Variants in C2CD2 observed in about 807,000 individuals in gnomAD.
C2CD2 encodes the protein C2 domain-containing protein 2.
C2CD2 carries 43 observed loss-of-function variants against 74.3 expected under a neutral mutation model. That is an observed-to-expected ratio of 0.58 (90% confidence interval 0.45 to 0.75). The LOEUF (loss-of-function observed/expected upper bound fraction) is 0.75, where lower values mean the gene tolerates loss of function less well. Ranked by LOEUF, C2CD2 falls within the 30% of genes least tolerant of loss-of-function variation. C2CD2 has a pLI of 0.00. For missense variants in C2CD2, 801 were observed against 916.3 expected, an observed-to-expected ratio of 0.87 and a Z score of 1.63; for synonymous variants, 422 against 390.7, an observed-to-expected ratio of 1.08 and a Z score of -0.94.
At chr21:41,925,208 G>A (rs1349519260) in intron 2 of C2CD2, among the ~76,000 whole-genome samples, 1 of 152,114 alleles carries the variant, frequency 6.6e-6, no homozygotes, top group Non-Finnish European at 1.5e-5. Context: ...AATTTAGGCC[G>A]AGTGTGGTGG....
In C2CD2 at chr21:41,901,621, C is replaced by G; in HGVS notation, c.1560+1G>C. ...CACCTCCCCAGCCACCACGATGGTA[C>G]CTTGGAGATCCCTGATATGATAATA... On this transcript the variant is annotated splice_donor_variant, in intron 12 of 13. Transcript: ENST00000380486. LOFTEE classifies it high-confidence loss of function. The G allele has an allele frequency of 6.2e-7, 1 of 1,614,184 alleles. No individual in the cohort carries two copies. The highest frequency in any genetic ancestry group is 1.1e-5 in the South Asian group (1 of 91,090).
chr21:41,948,308 G>C (rs1346151258), intron 1 of C2CD2, among the ~76,000 whole-genome samples: 1 of 111,918 alleles, frequency 8.9e-6, no homozygotes, highest in Non-Finnish European at 2.2e-5. Context: ...ACTGGGTCTG[G>C]CTCTGCCCAG....
rs777625124 is a variant in C2CD2 at position 41,918,965 on chromosome 21, TA to T, written c.493-6del. ...CTCCTTCATGTGGAACTCCAGCTAT[TA>T]AAAAACAAGTTATTAGAGGGCCACT... On this transcript the variant is annotated splice_polypyrimidine_tract_variant and splice_region_variant and intron_variant, in intron 3 of 13. Coordinates refer to ENST00000380486, the MANE Select transcript of C2CD2 (RefSeq NM_015500.2). The T allele has an allele frequency of 1.2e-6, 2 of 1,609,044 alleles. No individual in the cohort carries two copies. The highest frequency in any genetic ancestry group is 2.2e-5 in the South Asian group (2 of 90,994).
In C2CD2 at chr21:41,899,911, C is replaced by T. The variant is rs1047347576; in HGVS notation, c.1561-549G>A. ...GGGGGAAAGTTTGGGGAGGAGGGCA[C>T]GGGGGCTCCCTTCCTTGGAGGGGAG... is the stretch of plus-strand genomic sequence containing the variant. On this transcript the variant is annotated intron_variant, in intron 12 of 13. Coordinates refer to ENST00000380486, the MANE Select transcript of C2CD2 (RefSeq NM_015500.2). The surrounding 1 kb of genome is among the most constrained non-coding windows in gnomAD (Gnocchi z 4.4). 1.6e-5 allele frequency among the ~76,000 whole-genome samples: 2 copies of T among 121,512 alleles called. No homozygotes were observed. The highest frequency in any genetic ancestry group is 3.5e-5 in the Non-Finnish European group (2 of 57,842). The allele number at this position is 121,512 out of a possible 152,430, so 79.7% of individuals were successfully genotyped here.
chr21:41,898,939 A>C (rs1214565431), intron 13 of C2CD2, 114 bp downstream of exon 13: 2 of 788,858 alleles, frequency 2.5e-6, no homozygotes, highest in Non-Finnish European at 4.3e-6. Context: ...TGAGGCTGGG[A>C]GGGAGTTTGT....
chr21:41,899,459 G>C lies in C2CD2; in HGVS notation c.1561-97C>G. ...CACTCTCCAAAACATTCTGACAGCTGATTTCAAAGTCTCAGAAGATGCAGC... is the reference window on the plus strand; with the variant it reads ...CACTCTCCAAAACATTCTGACAGCTCATTTCAAAGTCTCAGAAGATGCAGC... On this transcript the variant is annotated intron_variant, in intron 12 of 13. Transcript: ENST00000380486. The surrounding 1 kb of genome is among the most constrained non-coding windows in gnomAD (Gnocchi z 4.4). 8.6e-7 allele frequency: 1 copy of C among 1,163,346 alleles called. No individual in the cohort carries two copies. The highest frequency in any genetic ancestry group is 1.2e-6 in the Non-Finnish European group (1 of 824,400). 72.1% of individuals were successfully genotyped at this position (1,163,346 alleles called of 1,614,324 possible).
intron 2 of C2CD2, among the ~76,000 whole-genome samples, chr21:41,933,972 G>A (rs892453986): frequency 1.3e-5 from 2 of 152,000 alleles, no homozygotes; most frequent in East Asian, 1.9e-4. Context: ...CTTTTCCTCC[G>A]GCAGGAAAAA....
intron 2 of C2CD2, among the ~76,000 whole-genome samples, chr21:41,931,922 C>T (rs1182378437): frequency 8.0e-5 from 7 of 87,526 alleles, no homozygotes; most frequent in African/African-American, 2.8e-4. Context: ...CCCACCACCC[C>T]ACCTCCAGCA....
chr21:41,951,053 G>C (rs868383695), intron 1 of C2CD2, among the ~76,000 whole-genome samples: 14 of 152,252 alleles, frequency 9.2e-5, no homozygotes, highest in South Asian at 2.1e-4. Flanking sequence ...AGGTGGGGGA[G>C]GGCAGCCACG....
rs1348495650 is a variant in C2CD2, at chr21:41,892,860, TG to T, written c.1871-3517del. 6.6e-6 allele frequency among the ~76,000 whole-genome samples: 1 copy of T among 152,174 alleles called. No individual in the cohort carries two copies. The highest frequency in any genetic ancestry group is 2.4e-5 in the African/African-American group (1 of 41,444). ...GCTCATGCTCCTTCGCACTTCACTC[TG>T]GGGGCCGGCAGACCACAGGGCTGTG... On this transcript the variant is annotated intron_variant, in intron 13 of 13. Transcript: ENST00000380486. The surrounding 1 kb of genome is among the most constrained non-coding windows in gnomAD (Gnocchi z 4.6).
At position 41,888,641 on chromosome 21, in the gene C2CD2, C is replaced by A. The variant is rs1479748774; in HGVS notation, c.*483G>T. The A allele has an allele frequency of 1.8e-5, 3 of 163,322 alleles. No homozygotes were observed. Among genetic ancestry groups the A allele is most frequent in the Admixed American group, 1.7e-4 (3 of 17,760 alleles). 10.1% of individuals were successfully genotyped at this position (163,322 alleles called of 1,614,324 possible). A position where few individuals can be genotyped will look rare whatever the true frequency, so the allele number is the denominator to read the frequency against. On this transcript the variant is annotated 3_prime_UTR_variant, in exon 14 of 14. Coordinates refer to ENST00000380486, the MANE Select transcript of C2CD2 (RefSeq NM_015500.2). Reference sequence around the variant, plus strand: ...CTCAGGGCCAGCTGCATTTTTTATTCCAAGCAGCAGATGAAGAGAGGTGAC... The same window carrying A: ...CTCAGGGCCAGCTGCATTTTTTATTACAAGCAGCAGATGAAGAGAGGTGAC...
intron 7 of C2CD2, among the ~76,000 whole-genome samples, chr21:41,909,820 CA>C (rs2065005840): frequency 6.6e-6 from 1 of 152,062 alleles, no homozygotes; most frequent in South Asian, 2.1e-4. Context: ...GTGGCCAGTG[CA>C]AGCTGAGGAA....
rs1353158443 is a variant in C2CD2, at chr21:41,914,670, G to C, written c.772C>G (p.Pro258Ala). The C allele has an allele frequency of 6.2e-7, 1 of 1,613,510 alleles. No homozygotes were observed. Among genetic ancestry groups the C allele is most frequent in the African/African-American group, 1.3e-5 (1 of 74,924 alleles). ...AGTAGCTTCAGCTCGTGAGCCCTTG[G>C]AGGTTTAGGAGGACAGGATTCCTGA... is the stretch of plus-strand genomic sequence containing the variant. Reference protein sequence around the residue: ...TAQESCPPKPPRAHELKLLVR... With the variant: ...TAQESCPPKPARAHELKLLVR... Residue 258 changes from proline (P) to alanine (A), a missense_variant, in exon 6 of 14, where the codon CCA (proline) becomes GCA (alanine). Physicochemically the swap from Pro to Ala is conservative, Grantham distance 27. Coordinates refer to ENST00000380486, the MANE Select transcript of C2CD2 (RefSeq NM_015500.2).
intron 1 of C2CD2, chr21:41,953,089 A>C (rs1475038079): frequency 2.7e-6 from 1 of 365,046 alleles, no homozygotes; most frequent in Non-Finnish European, 4.9e-6. Context: ...GGCGCGGATG[A>C]GCACTTCTGA....
chr21:41,937,055 G>A (rs1424174552), intron 2 of C2CD2, among the ~76,000 whole-genome samples: 3 of 151,836 alleles, frequency 2.0e-5, no homozygotes, highest in Non-Finnish European at 2.9e-5. Flanking sequence ...TCTTGACCTC[G>A]TGATCCACCT....
intron 4 of C2CD2, 49 bp from the exon 5 acceptor site, chr21:41,918,276 C>G (rs1448116213): frequency 6.2e-7 from 1 of 1,601,460 alleles, no homozygotes; most frequent in African/African-American, 1.3e-5. Flanking sequence ...AGCCCACTCC[C>G]TGCTCCCAAT....
chr21:41,907,312 T>C, intron 9 of C2CD2, 146 bp from the exon 10 acceptor site: 1 of 708,538 alleles, frequency 1.4e-6, no homozygotes, highest in East Asian at 2.7e-5. Context: ...ACCTGGATAT[T>C]CCCAGAATGG....
intron 2 of C2CD2, among the ~76,000 whole-genome samples, chr21:41,936,635 C>T (rs916235631): frequency 1.3e-5 from 2 of 151,990 alleles, no homozygotes; most frequent in African/African-American, 4.8e-5. Flanking sequence ...CTGCACAGGT[C>T]CACTAATACA....
rs1165722753 is a variant in C2CD2 at position 41,901,677 on chromosome 21, A to G, written c.1505T>C (p.Leu502Pro). ...TTTCTTCCGTGGCGACTTGAGTTTC[A>G]GCTTTGAAGATTCACTGAGCTGTCG... ...AIRQLSESSK[L>P]KLKSPRKKST... Residue 502 changes from leucine to proline, a missense_variant, in exon 12 of 14, where the codon CTG becomes CCG. Leu to Pro is a moderately conservative substitution (Grantham distance 98). Coordinates refer to ENST00000380486, the MANE Select transcript of C2CD2 (RefSeq NM_015500.2). 3.1e-6 allele frequency: 5 copies of G among 1,613,964 alleles called. No individual in the cohort carries two copies. The highest frequency in any genetic ancestry group is 1.3e-5 in the African/African-American group (1 of 74,914).
Sources: gnomAD v4.1 joint callset for allele counts (sites outside exome capture counted in the v4.1 genomes callset) on GRCh38, gnomAD v4.1.1 for gene constraint, Gnocchi (gnomAD v3.1) non-coding constraint, MANE v1.5 for transcripts, NCBI Gene and HGNC (gene_info 2026-07-23, HGNC 2026-07-21) for gene names.